PCDHAC2: variants seen among roughly 807,000 people sequenced by gnomAD.
PCDHAC2 encodes the protein protocadherin alpha-C2.
In PCDHAC2, 24 loss-of-function variants were observed where a neutral mutation model predicts 63.3. The observed-to-expected ratio is 0.38, with a 90% CI of 0.27 to 0.53. The LOEUF is 0.53. Ranked by LOEUF, PCDHAC2 falls within the 20% of genes least tolerant of loss-of-function variation. PCDHAC2 has a pLI of 0.81. For synonymous variants in PCDHAC2, 569 were observed against 529.4 expected, an observed-to-expected ratio of 1.07 and a Z score of -1.03; for missense variants, 1,181 against 1,275.2, an observed-to-expected ratio of 0.93 and a Z score of 1.12.
At position 140,968,798 on chromosome 5, in the gene PCDHAC2, G is replaced by A; in HGVS notation, c.2032G>A (p.Val678Ile). The A allele has an allele frequency of 1.9e-6, 3 of 1,614,232 alleles. No individual in the cohort carries two copies. Among genetic ancestry groups the A allele is most frequent in the Non-Finnish European group, 2.5e-6 (3 of 1,180,048 alleles). ...PSLSASVAIT[V>I]AVVDRVSKIL... is the part of the protein sequence containing the mutation. ...ACTATCAGCCTCTGTGGCCATTACA[G>A]TAGCTGTGGTGGATAGGGTTTCCAA... The change falls in exon 1 of 4, where the codon GTA becomes ATA. Residue 678 changes from valine to isoleucine, a missense_variant. By Grantham distance (29) the Val-to-Ile change is conservative. Around this residue, in one of 3 missense-constraint regions of PCDHAC2, gnomAD observed 968 missense variants for 1,073.5 expected, o/e 0.90. Coordinates refer to ENST00000289269, the MANE Select transcript of PCDHAC2 (RefSeq NM_018899.6).
rs2096233117 is a variant in PCDHAC2, at chr5:140,968,245, C to T, written c.1479C>T (p.Ala493=). Residue 493 remains alanine, a synonymous_variant, in exon 1 of 4, where the codon GCC becomes GCT. Coordinates refer to ENST00000289269, the MANE Select transcript of PCDHAC2 (RefSeq NM_018899.6). ...LPGVLLCTVQ[A]TDPDEKENAE... ...GTGTGTTGCTCTGTACTGTGCAAGC[C>T]ACAGACCCAGATGAAAAGGAGAATG... 1.2e-6 allele frequency: 2 copies of T among 1,614,038 alleles called. No individual in the cohort carries two copies. Among genetic ancestry groups the T allele is most frequent in the Non-Finnish European group, 1.7e-6 (2 of 1,180,002 alleles).
At position 140,967,251 on chromosome 5, in the gene PCDHAC2, CG is replaced by C; in HGVS notation, c.486del (p.Pro163LeufsTer7). The C allele has an allele frequency of 6.2e-7, 1 of 1,613,410 alleles. No homozygotes were observed. Among genetic ancestry groups the C allele is most frequent in the Non-Finnish European group, 8.5e-7 (1 of 1,179,834 alleles). On this transcript the variant is annotated frameshift_variant, in exon 1 of 4. Coordinates refer to ENST00000289269, the MANE Select transcript of PCDHAC2 (RefSeq NM_018899.6). LOFTEE classifies it high-confidence loss of function. ...NYQLQVSESV[A>X]PGARFHIESA... ...CAGCTTCAGGTAAGCGAATCGGTGG[CG>C]CCTGGAGCGCGCTTTCACATAGAGA...
intron 3 of PCDHAC2, among the ~76,000 whole-genome samples, chr5:141,006,736 G>C (rs939000554): frequency 2.0e-5 from 3 of 152,122 alleles, no homozygotes; most frequent in African/African-American, 7.2e-5. Context: ...AGGTCTTGAT[G>C]ATGTATTATA....
At chr5:140,973,665 T>C (rs1309458037) in intron 1 of PCDHAC2, among the ~76,000 whole-genome samples, 2 of 152,248 alleles carry the variant, frequency 1.3e-5, no homozygotes, top group Non-Finnish European at 2.9e-5. Context: ...CTATTTATTG[T>C]AGCTTGAATG....
In PCDHAC2 at chr5:140,967,102, G is replaced by A. The variant is rs1279026258; in HGVS notation, c.336G>A (p.Glu112=). The A allele has an allele frequency of 6.2e-7, 1 of 1,612,978 alleles. No individual in the cohort carries two copies. The highest frequency in any genetic ancestry group is 1.3e-5 in the African/African-American group (1 of 74,948). ...GCATTGATCGGGAGGCGCTGTGTGAGCAGCGGCCTCGCTGCCTGCTCAGCT... is the reference window on the plus strand; with the variant it reads ...GCATTGATCGGGAGGCGCTGTGTGAACAGCGGCCTCGCTGCCTGCTCAGCT... ...NERIDREALC[E]QRPRCLLSLE... Residue 112 remains glutamate (E), a synonymous_variant, in exon 1 of 4, where the codon GAG becomes GAA. Transcript: ENST00000289269.
intron 3 of PCDHAC2, among the ~76,000 whole-genome samples, chr5:140,995,684 A>T (rs2097694657): frequency 6.6e-6 from 1 of 152,144 alleles, no homozygotes; most frequent in Non-Finnish European, 1.5e-5. Flanking sequence ...ATTTTTTTTA[A>T]TTGTTAAATA....
chr5:141,010,343 G>C lies in PCDHAC2; in HGVS notation c.*406G>C. 1 of 1,518,858 alleles carries C rather than the reference G, an allele frequency of 6.6e-7. No homozygotes were observed. Among genetic ancestry groups the C allele is most frequent in the Admixed American group, 2.1e-5 (1 of 46,514 alleles). 94.1% of individuals were successfully genotyped at this position (1,518,858 alleles called of 1,614,324 possible). A position where few individuals can be genotyped will look rare whatever the true frequency, so the allele number is the denominator to read the frequency against. On this transcript the variant is annotated 3_prime_UTR_variant, in exon 4 of 4. Coordinates refer to ENST00000289269, the MANE Select transcript of PCDHAC2 (RefSeq NM_018899.6). ...GCAGCTTGGGAGTTTGTGGCCACTGGGTATGTGTGGCTACCGCGGGTATGC... is the reference window on the plus strand; with the variant it reads ...GCAGCTTGGGAGTTTGTGGCCACTGCGTATGTGTGGCTACCGCGGGTATGC...
intron 3 of PCDHAC2, among the ~76,000 whole-genome samples, chr5:140,999,739 T>C (rs2097873545): frequency 6.6e-6 from 1 of 152,196 alleles, no homozygotes; most frequent in Admixed American, 6.5e-5. Flanking sequence ...AATGTTTGAA[T>C]CTGGGTTCGC....
chr5:141,001,478 A>G, intron 3 of PCDHAC2, among the ~76,000 whole-genome samples: 1 of 152,236 alleles, frequency 6.6e-6, no homozygotes, highest in Non-Finnish European at 1.5e-5. Context: ...GCAGCGGGGA[A>G]GTGCTGGAAA....
At chr5:140,994,178 A>G (rs2097601690) in intron 3 of PCDHAC2, among the ~76,000 whole-genome samples, 1 of 152,226 alleles carries the variant, frequency 6.6e-6, no homozygotes, top group Admixed American at 6.5e-5. Context: ...AAGCTGGGAC[A>G]AACCACCAGG....
intron 2 of PCDHAC2, among the ~76,000 whole-genome samples, chr5:140,979,725 G>A (rs2096861699): frequency 6.6e-6 from 1 of 152,136 alleles, no homozygotes; most frequent in South Asian, 2.1e-4. Context: ...CCATGCCATG[G>A]GGCCAAATAA....
Position 140,988,156 on chromosome 5 carries a change from C to T in PCDHAC2, c.2713+5593C>T, listed in dbSNP as rs546335543. Among the ~76,000 whole-genome samples, 7 of 152,172 alleles carry T rather than the reference C, an allele frequency of 4.6e-5. No individual in the cohort carries two copies. The South Asian group carries it at 1.5e-3, about 32-fold the overall frequency. On this transcript the variant is annotated intron_variant, in intron 3 of 3. Coordinates refer to ENST00000289269, the MANE Select transcript of PCDHAC2 (RefSeq NM_018899.6). ...TAACCTGTTCAACCTCAACTTCTGCCGTTGTCATAGCAATGACAGTCCTGG... is the reference window on the plus strand; with the variant it reads ...TAACCTGTTCAACCTCAACTTCTGCTGTTGTCATAGCAATGACAGTCCTGG...
Position 140,967,894 on chromosome 5 carries a change from G to A in PCDHAC2, c.1128G>A (p.Glu376=), listed in dbSNP as rs1586251835. ...VLTDLYSPVP[E]NATPNTIVAV... ...CGGACCTGTATAGCCCAGTGCCTGA[G>A]AATGCTACACCCAACACCATTGTGG... Residue 376 remains glutamate (E), a synonymous_variant, in exon 1 of 4, where the codon GAG becomes GAA. Transcript: ENST00000289269. The A allele has an allele frequency of 3.1e-6, 5 of 1,614,192 alleles. No homozygotes were observed. Among genetic ancestry groups the A allele is most frequent in the Non-Finnish European group, 3.4e-6 (4 of 1,180,036 alleles).
At position 140,967,279 on chromosome 5, in the gene PCDHAC2, T is replaced by C; in HGVS notation, c.513T>C (p.Ser171=). 1 of 1,613,002 alleles carries C rather than the reference T, an allele frequency of 6.2e-7. No individual in the cohort carries two copies. The highest frequency in any genetic ancestry group is 1.1e-5 in the South Asian group (1 of 91,048). The change falls in exon 1 of 4, where the codon AGT becomes AGC. Residue 171 remains serine (S), a synonymous_variant. Coordinates refer to ENST00000289269, the MANE Select transcript of PCDHAC2 (RefSeq NM_018899.6). ...CTGGAGCGCGCTTTCACATAGAGAGTGCGCAGGACCCCGACGTGGGCGCCA... is the reference window on the plus strand; with the variant it reads ...CTGGAGCGCGCTTTCACATAGAGAGCGCGCAGGACCCCGACGTGGGCGCCA... The part of the protein sequence containing the change: ...VAPGARFHIE[S]AQDPDVGANS...
At chr5:141,009,476 C>T in intron 3 of PCDHAC2, 151 bp from the exon 4 acceptor site, 4 of 1,420,154 alleles carry the variant, frequency 2.8e-6, no homozygotes, top group Non-Finnish European at 2.8e-6. Flanking sequence ...AATAAGTAAA[C>T]ACTTGCCTTG....
chr5:140,985,739 CTTTTT>C (rs11372071), intron 3 of PCDHAC2, among the ~76,000 whole-genome samples: 1 of 117,916 alleles, frequency 8.5e-6, no homozygotes, highest in Non-Finnish European at 1.7e-5. Context: ...TGATGAATTC[CTTTTT>C]TTTTTTTTTT....
chr5:140,982,882 C>A (rs1554244920), intron 3 of PCDHAC2, among the ~76,000 whole-genome samples: 1 of 151,972 alleles, frequency 6.6e-6, no homozygotes, highest in African/African-American at 2.4e-5. Flanking sequence ...CCAAGCCATG[C>A]AGAGAAGATC....
chr5:140,970,881 C>T (rs1316692542), intron 1 of PCDHAC2, among the ~76,000 whole-genome samples: 1 of 152,050 alleles, frequency 6.6e-6, no homozygotes, highest in Non-Finnish European at 1.5e-5. Flanking sequence ...GTAGATTTTT[C>T]TCATGGACAT....
At chr5:141,006,584 G>C (rs1554260824) in intron 3 of PCDHAC2, among the ~76,000 whole-genome samples, 2 of 152,126 alleles carry the variant, frequency 1.3e-5, no homozygotes, top group Admixed American at 6.6e-5. Flanking sequence ...GAGGGTTGGA[G>C]AGAAGCAAAA....
Sources: allele counts gnomAD v4.1 joint callset (sites outside exome capture counted in the v4.1 genomes callset), GRCh38; gene constraint gnomAD v4.1.1; regional missense constraint gnomAD v4.1.1; transcripts MANE v1.5; gene names NCBI Gene and HGNC (gene_info 2026-07-23, HGNC 2026-07-21).